The following FAM53A variants were observed in gnomAD, a reference collection of about 807,000 sequenced individuals.
FAM53A encodes the protein protein FAM53A.
Under a neutral mutation model 26.6 loss-of-function variants are expected in FAM53A, and 28 were observed. That is an observed-to-expected ratio of 1.05 (90% CI 0.78 to 1.45). The LOEUF (loss-of-function observed/expected upper bound fraction) is 1.45. Among genes scored for constraint, FAM53A ranks in the 40% most tolerant of loss-of-function variants. FAM53A has a pLI of 0.00. For missense variants in FAM53A, 650 were observed against 575.8 expected (o/e 1.13, Z -1.32); for synonymous variants, 290 against 253.1 (o/e 1.15, Z -1.38).
At chr4:1,648,216 A>C (rs1712417390) in intron 4 of FAM53A, among the ~76,000 whole-genome samples, 1 of 152,116 alleles carries the variant, frequency 6.6e-6, no homozygotes, top group Non-Finnish European at 1.5e-5. Context: ...GTCTCCAAAA[A>C]ACAAAACAAA....
At chr4:1,604,323 G>A in the FAM53A span, among the ~76,000 whole-genome samples, 5 of 152,222 alleles carry the variant, frequency 3.3e-5, no homozygotes, top group African/African-American at 4.8e-5. Context: ...GGGCTCAGGC[G>A]GGGTGTAGGC....
At chr4:1,617,611 C>A (rs946138006), downstream of FAM53A, among the ~76,000 whole-genome samples, 4 of 152,112 alleles carry the variant, frequency 2.6e-5, no homozygotes, top group Admixed American at 6.6e-5. Context: ...GCCTACTGCG[C>A]TCTTTCTTCC....
the FAM53A span, among the ~76,000 whole-genome samples, chr4:1,588,626 A>G: frequency 2.0e-5 from 3 of 152,198 alleles, no homozygotes; most frequent in East Asian, 1.9e-4. Context: ...GCTATCCTCA[A>G]GACGAATTCT....
chr4:1,606,158 C>A, the FAM53A span, among the ~76,000 whole-genome samples: 1 of 152,032 alleles, frequency 6.6e-6, no homozygotes, highest in South Asian at 2.1e-4. Flanking sequence ...CCTGCCTCAG[C>A]CTCCTGAGTA....
intron 2 of FAM53A, among the ~76,000 whole-genome samples, chr4:1,668,246 T>C (rs1450520376): frequency 6.6e-6 from 1 of 151,988 alleles, no homozygotes; most frequent in African/African-American, 2.4e-5. Context: ...TGCATGCCAT[T>C]CTCCTGCCTC....
chr4:1,678,371 A>C (rs754170429), intron 1 of FAM53A, among the ~76,000 whole-genome samples: 17 of 152,206 alleles, frequency 1.1e-4, no homozygotes, highest in Non-Finnish European at 1.9e-4. Context: ...GGGATGGGCA[A>C]AAGAACAGAC....
Position 1,675,885 on chromosome 4 carries a change from C to T in FAM53A, c.-164-6980G>A, listed in dbSNP as rs1239189291. Among the ~76,000 whole-genome samples, 4 of 152,334 alleles carry T rather than the reference C, an allele frequency of 2.6e-5. No homozygotes were observed. The East Asian group carries it at 7.7e-4, about 29-fold the overall frequency. On this transcript the variant is annotated intron_variant, in intron 1 of 4. Transcript: ENST00000308132. ...AGGAGGGTCAAACCCAGAGCTGGAG[C>T]TCCACGGGGGCAGCAGGGACGAGCC...
the FAM53A span, among the ~76,000 whole-genome samples, chr4:1,588,315 C>T: frequency 6.6e-6 from 1 of 152,344 alleles, no homozygotes; most frequent in South Asian, 2.1e-4. Context: ...AATATGCTCC[C>T]AGATTCTTCA....
chr4:1,678,334 C>T (rs1387104157), intron 1 of FAM53A, among the ~76,000 whole-genome samples: 2 of 152,186 alleles, frequency 1.3e-5, no homozygotes, highest in African/African-American at 4.8e-5. Context: ...CAGAGCAAGA[C>T]CCTGTCTCAA....
intron 2 of FAM53A, among the ~76,000 whole-genome samples, chr4:1,668,308 T>G (rs1714387060): frequency 6.6e-6 from 1 of 152,006 alleles, no homozygotes. Flanking sequence ...CCCGGCTAAT[T>G]TTTGTATTTT....
At chr4:1,585,963 C>T in the FAM53A span, among the ~76,000 whole-genome samples, 2 of 152,100 alleles carry the variant, frequency 1.3e-5, no homozygotes, top group African/African-American at 4.8e-5. Flanking sequence ...CTTTGAACTC[C>T]TGGGATCAAG....
chr4:1,648,461 G>A (rs1409044288), intron 4 of FAM53A, among the ~76,000 whole-genome samples: 1 of 152,132 alleles, frequency 6.6e-6, no homozygotes, highest in African/African-American at 2.4e-5. Flanking sequence ...GGCCCCTCAG[G>A]AGTCTTGGCA....
chr4:1,646,845 G>A (rs1712291211), intron 4 of FAM53A, among the ~76,000 whole-genome samples: 1 of 152,238 alleles, frequency 6.6e-6, no homozygotes, highest in East Asian at 1.9e-4. Flanking sequence ...CAGCAGCCTC[G>A]GTCTCTCCAG....
chr4:1,663,950 C>A (rs1008191783), intron 2 of FAM53A, among the ~76,000 whole-genome samples: 1 of 152,116 alleles, frequency 6.6e-6, no homozygotes, highest in African/African-American at 2.4e-5. Flanking sequence ...CAGCAACTCC[C>A]AGAACACACA....
At chr4:1,629,572 T>C (rs1715518678) in intron 1 of FAM53A, among the ~76,000 whole-genome samples, 1 of 152,294 alleles carries the variant, frequency 6.6e-6, no homozygotes, top group East Asian at 1.9e-4. Flanking sequence ...CCCCTCATCC[T>C]GCCTGTGGCT....
At chr4:1,684,563 T>G (rs1029754045), upstream of FAM53A, among the ~76,000 whole-genome samples, 1 of 151,076 alleles carries the variant, frequency 6.6e-6, no homozygotes, top group East Asian at 1.9e-4. Flanking sequence ...CGCGCGTGCG[T>G]GCCTGGCACT....
At chr4:1,647,584 C>T (rs570174940) in intron 4 of FAM53A, among the ~76,000 whole-genome samples, 7 of 152,326 alleles carry the variant, frequency 4.6e-5, no homozygotes, top group South Asian at 2.1e-4. Flanking sequence ...AACACAGTTG[C>T]GCACGCAGAC....
intron 1 of FAM53A, among the ~76,000 whole-genome samples, chr4:1,675,507 G>A (rs779731239): frequency 2.6e-5 from 4 of 152,148 alleles, no homozygotes; most frequent in South Asian, 2.1e-4. Context: ...TTAAGTCGCC[G>A]TCCTCGCTCC....
At position 1,679,922 on chromosome 4, in the gene FAM53A, G is replaced by A. The variant is rs191332343; in HGVS notation, c.-165+4311C>T. ...AATTTAGCTGGGCATGATGGCAGGC[G>A]CCTGTAAGCGCAGCTACTCGGGAGG... On this transcript the variant is annotated intron_variant, in intron 1 of 4. Transcript: ENST00000308132. Among the ~76,000 whole-genome samples, 194 of 150,684 alleles carry A rather than the reference G, an allele frequency of 1.3e-3. 2 individuals carry two copies. Among genetic ancestry groups the A allele is most frequent in the African/African-American group, 4.6e-3 (187 of 40,982 alleles).
Sources: gnomAD v4.1 joint callset for allele counts (sites outside exome capture counted in the v4.1 genomes callset) on GRCh38, gnomAD v4.1.1 for gene constraint, MANE v1.5 for transcripts, NCBI Gene and HGNC (gene_info 2026-07-23, HGNC 2026-07-21) for gene names.